The following PRKACB variants were observed in gnomAD, a reference collection of about 807,000 sequenced individuals.
PRKACB encodes protein kinase cAMP-activated catalytic subunit beta, also known as cAMP-dependent protein kinase catalytic subunit beta.
In PRKACB, 16 loss-of-function variants were observed where a neutral mutation model predicts 51.4. That is an observed-to-expected ratio of 0.31 (90% CI 0.21 to 0.47). The LOEUF (loss-of-function observed/expected upper bound fraction) is 0.47, where lower values mean the gene tolerates loss of function less well. Ranked by LOEUF, PRKACB falls within the 20% of genes least tolerant of loss-of-function variation. The pLI is 1.00. For synonymous variants in PRKACB, 147 were observed against 154.4 expected (o/e 0.95, Z 0.35); for missense variants, 309 against 464.5 (o/e 0.67, Z 3.08).
chr1:84,095,023 A>C lies in PRKACB; in HGVS notation c.46+16652A>C, dbSNP rs576754486. 8.5e-5 allele frequency among the ~76,000 whole-genome samples: 13 copies of C among 152,114 alleles called. No homozygotes were observed. The South Asian group carries it at 2.7e-3, about 31-fold the overall frequency. On this transcript the variant is annotated intron_variant, in intron 1 of 8. Coordinates refer to the PRKACB transcript ENST00000370688. Reference sequence around the variant, plus strand: ...AACATGCAGTATAGGATTGTAGCCTAGGAGCAATAGGCTATCCATATAGCT... The same window carrying C: ...AACATGCAGTATAGGATTGTAGCCTCGGAGCAATAGGCTATCCATATAGCT...
chr1:84,082,906 G>A (rs1482283457), intron 1 of PRKACB, among the ~76,000 whole-genome samples: 2 of 152,094 alleles, frequency 1.3e-5, no homozygotes, highest in African/African-American at 4.8e-5. Context: ...GTAGATGAAC[G>A]GAATGCTGGA....
chr1:84,078,539 A>T (rs1451501442), intron 1 of PRKACB, among the ~76,000 whole-genome samples: 4 of 151,300 alleles, frequency 2.6e-5, no homozygotes, highest in Middle Eastern at 3.4e-3. Flanking sequence ...CTCCATTCCG[A>T]CCCCCCAGCT....
At chr1:84,197,588 G>A in intron 6 of PRKACB, 141 bp from the exon 7 acceptor site, 1 of 545,896 alleles carries the variant, frequency 1.8e-6, no homozygotes. Flanking sequence ...ATTCATGAAT[G>A]AATTTCAATT....
intron 1 of PRKACB, among the ~76,000 whole-genome samples, chr1:84,079,257 A>G (rs577425494): frequency 1.6e-4 from 24 of 152,174 alleles, no homozygotes; most frequent in Non-Finnish European, 2.9e-4. Flanking sequence ...TGTAAAGTTC[A>G]TATATTTTTA....
In PRKACB at chr1:84,099,893, A is replaced by C. The variant is rs1649203192; in HGVS notation, c.46+21522A>C. 3.9e-5 allele frequency among the ~76,000 whole-genome samples: 6 copies of C among 152,288 alleles called. No homozygotes were observed. The South Asian group carries it at 1.2e-3, about 32-fold the overall frequency. ...GGAAATCCTTAAGCATGGTCTATAT[A>C]GATTAGGCTCATTTTAACAAGTTAT... On this transcript the variant is annotated intron_variant, in intron 1 of 8. Transcript: ENST00000370688.
At chr1:84,184,256 C>T in intron 4 of PRKACB, 121 bp downstream of exon 4, 3 of 775,644 alleles carry the variant, frequency 3.9e-6, no homozygotes, top group Non-Finnish European at 1.9e-6. Context: ...AAACGAATAC[C>T]TCTAGAGTTT....
At position 84,136,740 on chromosome 1, in the gene PRKACB, T is replaced by A. The variant is rs555346108; in HGVS notation, c.47-42437T>A. Among the ~76,000 whole-genome samples, 5 of 152,286 alleles carry A rather than the reference T, an allele frequency of 3.3e-5. No individual in the cohort carries two copies. The East Asian group carries it at 9.6e-4, about 29-fold the overall frequency. On this transcript the variant is annotated intron_variant, in intron 1 of 8. Transcript: ENST00000370688. ...AAACCTGCACATGAAAACTGCACAT[T>A]ATAGCTTCCTTCATAATTGCCAAAA...
chr1:84,223,371 T>G (rs12125314), intron 9 of PRKACB, among the ~76,000 whole-genome samples: 11 of 13,362 alleles, frequency 8.2e-4, no homozygotes, highest in East Asian at 6.7e-3. Flanking sequence ...TTTTTTTTTG[T>G]TTTTTTGTTT....
chr1:84,156,283 A>G lies in PRKACB; in HGVS notation c.187+11735A>G, dbSNP rs1040598600. ...GTGCTGGGATCACAAGCATGAACATATAAGCTAGTGATATCACTTTTAGCC... is the reference window on the plus strand; with the variant it reads ...GTGCTGGGATCACAAGCATGAACATGTAAGCTAGTGATATCACTTTTAGCC... On this transcript the variant is annotated intron_variant, in intron 1 of 9. Transcript: ENST00000370685. Among the ~76,000 whole-genome samples, 8 of 152,178 alleles carry G rather than the reference A, an allele frequency of 5.3e-5. No homozygotes were observed. In the South Asian group the frequency reaches 6.2e-4, roughly 12 times the overall value.
At chr1:84,113,223 TA>T (rs1333772593) in intron 1 of PRKACB, among the ~76,000 whole-genome samples, 2 of 152,150 alleles carry the variant, frequency 1.3e-5, no homozygotes, top group Non-Finnish European at 2.9e-5. Context: ...ATGTCAAATG[TA>T]AATTGGGATA....
intron 1 of PRKACB, chr1:84,173,489 T>C (rs915347888): frequency 1.3e-4 from 95 of 724,202 alleles, no homozygotes; most frequent in Non-Finnish European, 2.1e-4. Flanking sequence ...ATATTTTTAG[T>C]GTGTGTGTAT....
At chr1:84,175,287 T>C (rs1392349223) in intron 1 of PRKACB, among the ~76,000 whole-genome samples, 1 of 151,636 alleles carries the variant, frequency 6.6e-6, no homozygotes, top group Non-Finnish European at 1.5e-5. Flanking sequence ...TGTAGCACCA[T>C]GAAACAGTAG....
chr1:84,083,581 C>T (rs141061963), intron 1 of PRKACB, among the ~76,000 whole-genome samples: 345 of 152,284 alleles, frequency 2.3e-3, no homozygotes, highest in African/African-American at 7.8e-3. Flanking sequence ...AAGATCCTGT[C>T]AGATAATTAA....
chr1:84,207,986 G>C lies in PRKACB; in HGVS notation c.906+5181G>C, dbSNP rs547207473. On this transcript the variant is annotated intron_variant, in intron 8 of 9. Coordinates refer to ENST00000370685, the MANE Select transcript of PRKACB (RefSeq NM_182948.4). ...GGGTTCAAGTGATTCTCCTGCCTCA[G>C]CCTCCTGAGTAGCTGGGACTACAGG... Among the ~76,000 whole-genome samples, 155 of 152,216 alleles carry C rather than the reference G, an allele frequency of 1.0e-3. 2 individuals are homozygous for C. Among genetic ancestry groups the C allele is most frequent in the Non-Finnish European group, 1.2e-3 (84 of 68,014 alleles).
At chr1:84,144,676 A>G in intron 1 of PRKACB, 128 bp downstream of exon 1, 7 of 1,011,636 alleles carry the variant, frequency 6.9e-6, no homozygotes, top group Non-Finnish European at 7.0e-6. Flanking sequence ...ATTTTGCAAG[A>G]TGAAGTTGAA....
intron 1 of PRKACB, among the ~76,000 whole-genome samples, chr1:84,167,772 G>A (rs891400826): frequency 3.3e-5 from 5 of 151,192 alleles, no homozygotes; most frequent in Non-Finnish European, 7.4e-5. Context: ...TACCAGTGTG[G>A]GTTTTGACTT....
chr1:84,199,250 C>T (rs1030847248), intron 7 of PRKACB, among the ~76,000 whole-genome samples: 1 of 151,714 alleles, frequency 6.6e-6, no homozygotes, highest in Non-Finnish European at 1.5e-5. Flanking sequence ...TTTCATCACT[C>T]AGGAATTAAG....
At chr1:84,184,770 T>G (rs1408093944) in intron 4 of PRKACB, among the ~76,000 whole-genome samples, 1 of 151,932 alleles carries the variant, frequency 6.6e-6, no homozygotes, top group African/African-American at 2.4e-5. Flanking sequence ...TCTTATTAAC[T>G]TTTTAAATTG....
At chr1:84,132,673 A>G (rs1403913373) in intron 1 of PRKACB, among the ~76,000 whole-genome samples, 1 of 152,196 alleles carries the variant, frequency 6.6e-6, no homozygotes, top group African/African-American at 2.4e-5. Flanking sequence ...CATAAAGCAG[A>G]GAGACACTAA....
Sources: allele counts gnomAD v4.1 joint callset (sites outside exome capture counted in the v4.1 genomes callset), GRCh38; gene constraint gnomAD v4.1.1; transcripts MANE v1.5; gene names NCBI Gene and HGNC (gene_info 2026-07-23, HGNC 2026-07-21).